NDST4: variants seen among roughly 807,000 people sequenced by gnomAD.
NDST4 encodes the protein N-heparan sulfate sulfotransferase 4.
In NDST4, 63 loss-of-function variants were observed where a neutral mutation model predicts 100.8. The observed-to-expected ratio is 0.62, with a 90% CI of 0.51 to 0.77. The LOEUF (loss-of-function observed/expected upper bound fraction) is 0.77, where lower values mean the gene tolerates loss of function less well. NDST4 is among the 30% of genes least tolerant of loss of function. The pLI, the probability that NDST4 is intolerant of heterozygous loss-of-function variation, is 0.00. For synonymous variants in NDST4, 377 were observed against 361.8 expected, an observed-to-expected ratio of 1.04 and a Z score of -0.48; for missense variants, 943 against 1,018.4, an observed-to-expected ratio of 0.93 and a Z score of 1.01.
At chr4:114,898,485 G>A (rs1252168624) in intron 6 of NDST4, among the ~76,000 whole-genome samples, 4 of 152,136 alleles carry the variant, frequency 2.6e-5, no homozygotes, top group Non-Finnish European at 5.9e-5. Context: ...GTCGGGTAGT[G>A]TCCGTGCTTC....
chr4:115,004,742 T>G (rs534737683), intron 2 of NDST4, among the ~76,000 whole-genome samples: 1 of 152,282 alleles, frequency 6.6e-6, no homozygotes, highest in East Asian at 1.9e-4. Context: ...ACATGTATGG[T>G]GTTTCTTTAG....
chr4:115,000,791 T>A (rs1014781800), intron 2 of NDST4, among the ~76,000 whole-genome samples: 1 of 152,142 alleles, frequency 6.6e-6, no homozygotes, highest in Non-Finnish European at 1.5e-5. Context: ...TTTGGTCGGC[T>A]ATAACAAAAG....
At chr4:114,952,816 A>C (rs946520403) in intron 4 of NDST4, among the ~76,000 whole-genome samples, 2 of 152,086 alleles carry the variant, frequency 1.3e-5, no homozygotes, top group Non-Finnish European at 2.9e-5. Context: ...TCAATATGTG[A>C]ATCATTATGC....
chr4:115,011,522 T>C (rs1727546679), intron 2 of NDST4, among the ~76,000 whole-genome samples: 1 of 151,912 alleles, frequency 6.6e-6, no homozygotes, highest in Non-Finnish European at 1.5e-5. Flanking sequence ...GGTAGCTTTA[T>C]GAACTAACAT....
At chr4:115,095,371 A>T (rs999393203) in intron 1 of NDST4, among the ~76,000 whole-genome samples, 1 of 152,138 alleles carries the variant, frequency 6.6e-6, no homozygotes, top group African/African-American at 2.4e-5. Context: ...TGGTGAAATG[A>T]TTCTCCAAAG....
chr4:114,926,912 T>C (rs1216867640), intron 6 of NDST4, among the ~76,000 whole-genome samples: 1 of 152,104 alleles, frequency 6.6e-6, no homozygotes, highest in African/African-American at 2.4e-5. Context: ...TTCCTTTATA[T>C]ACTTTTTCCA....
rs79035318 is a variant in NDST4, at chr4:114,932,997, A to G, written c.1536+2209T>C. Among the ~76,000 whole-genome samples, 21 of 152,264 alleles carry G rather than the reference A, an allele frequency of 1.4e-4. No homozygotes were observed. The East Asian group carries it at 3.1e-3, about 22-fold the overall frequency. ...TCTAAAATTTCTATGGATTCACAAAAGACCCAGAATAGTCAAAGCAATCTT... is the reference window on the plus strand; with the variant it reads ...TCTAAAATTTCTATGGATTCACAAAGGACCCAGAATAGTCAAAGCAATCTT... On this transcript the variant is annotated intron_variant, in intron 6 of 13. Coordinates refer to ENST00000264363, the MANE Select transcript of NDST4 (RefSeq NM_022569.3).
intron 6 of NDST4, among the ~76,000 whole-genome samples, chr4:114,876,306 A>G (rs1430450944): frequency 6.6e-6 from 1 of 152,184 alleles, no homozygotes; most frequent in African/African-American, 2.4e-5. Context: ...TTAGCTTGTT[A>G]AATTATTGAT....
In NDST4 at chr4:114,963,469, T is replaced by A. The variant is rs189391364; in HGVS notation, c.1221+6961A>T. Reference sequence around the variant, plus strand: ...AAAGTGATTGCTAAGGGTACTTTTTTAAAATGAGTTGATGAAAATGTTCTA... The same window carrying A: ...AAAGTGATTGCTAAGGGTACTTTTTAAAAATGAGTTGATGAAAATGTTCTA... On this transcript the variant is annotated intron_variant, in intron 4 of 13. Coordinates refer to ENST00000264363, the MANE Select transcript of NDST4 (RefSeq NM_022569.3). Among the ~76,000 whole-genome samples, 241 of 152,270 alleles carry A rather than the reference T, an allele frequency of 1.6e-3. 1 individual carries two copies. Among genetic ancestry groups the A allele is most frequent in the Admixed American group, 5.2e-3 (79 of 15,290 alleles).
chr4:115,031,239 G>A (rs757676590), intron 2 of NDST4, among the ~76,000 whole-genome samples: 8 of 152,210 alleles, frequency 5.3e-5, no homozygotes, highest in Admixed American at 2.6e-4. Context: ...TGTTGTTGTT[G>A]TTGTCATTGT....
At chr4:114,845,703 T>G (rs10003387) in intron 10 of NDST4, 120 bp downstream of exon 10, 36,848 of 863,444 alleles carry the variant, frequency 0.043, 4,259 homozygotes, top group African/African-American at 0.33. Context: ...GTGGGGGTTG[T>G]GGGTTTAGAT....
At chr4:115,054,512 A>G (rs1728651851) in intron 2 of NDST4, among the ~76,000 whole-genome samples, 1 of 152,202 alleles carries the variant, frequency 6.6e-6, no homozygotes, top group South Asian at 2.1e-4. Flanking sequence ...TGCAATGCTT[A>G]TGTTAAATCA....
At chr4:115,032,991 A>G (rs1728146618) in intron 2 of NDST4, among the ~76,000 whole-genome samples, 1 of 151,510 alleles carries the variant, frequency 6.6e-6, no homozygotes, top group African/African-American at 2.4e-5. Flanking sequence ...TCTTTCACCA[A>G]TGTCTATTTA....
At chr4:114,982,096 T>A (rs1048342222) in intron 2 of NDST4, among the ~76,000 whole-genome samples, 16 of 152,228 alleles carry the variant, frequency 1.1e-4, no homozygotes, top group African/African-American at 3.9e-4. Context: ...GTCTCAGGTA[T>A]GTGTTTACAG....
intron 2 of NDST4, among the ~76,000 whole-genome samples, chr4:115,048,868 C>T (rs939101096): frequency 2.0e-5 from 3 of 150,904 alleles, no homozygotes; most frequent in South Asian, 2.1e-4. Context: ...TGAACTCCTG[C>T]CCTCAAGTAA....
chr4:114,886,295 A>G (rs932360571), intron 6 of NDST4, among the ~76,000 whole-genome samples: 2 of 152,148 alleles, frequency 1.3e-5, no homozygotes, highest in Non-Finnish European at 2.9e-5. Context: ...GAAAAAGTCA[A>G]GAAGTGCTGA....
intron 7 of NDST4, among the ~76,000 whole-genome samples, chr4:114,859,808 T>C (rs968443915): frequency 3.3e-5 from 5 of 152,222 alleles, no homozygotes; most frequent in Non-Finnish European, 7.3e-5. Flanking sequence ...AGAGATGACA[T>C]CCTTGTCAGC....
chr4:115,097,293 C>T (rs182582167), intron 1 of NDST4, among the ~76,000 whole-genome samples: 1 of 152,276 alleles, frequency 6.6e-6, no homozygotes, highest in East Asian at 1.9e-4. Context: ...ACTTGGAAAT[C>T]TAATGGGCAT....
intron 13 of NDST4, among the ~76,000 whole-genome samples, chr4:114,828,922 G>T (rs546050200): frequency 1.3e-5 from 2 of 152,148 alleles, no homozygotes; most frequent in South Asian, 4.2e-4. Flanking sequence ...CGTTCACCAG[G>T]TATTTCATTA....
Sources: allele counts gnomAD v4.1 joint callset (sites outside exome capture counted in the v4.1 genomes callset), GRCh38; gene constraint gnomAD v4.1.1; transcripts MANE v1.5; gene names NCBI Gene and HGNC (gene_info 2026-07-23, HGNC 2026-07-21).